The following EXOSC10 variants were observed in gnomAD, a reference collection of about 807,000 sequenced individuals.
The protein encoded by EXOSC10 is exosome component 10.
A neutral mutation model predicts 126.6 loss-of-function variants in EXOSC10; 94 were observed. That is an observed-to-expected ratio of 0.74 (90% CI 0.63 to 0.88). The LOEUF is 0.88. Among genes scored for constraint, EXOSC10 ranks in the 40% least tolerant of loss-of-function variants. The probability of loss-of-function intolerance (pLI) is 0.00; values close to 1 mark genes in which losing one functional copy is unlikely to be tolerated. For missense variants in EXOSC10, 1,041 were observed against 1,100.5 expected (o/e 0.95, Z 0.77); for synonymous variants, 395 against 400.8 (o/e 0.99, Z 0.17).
At chr1:11,070,816 GC>G in intron 21 of EXOSC10, 83 bp downstream of exon 21, 1 of 1,237,532 alleles carries the variant, frequency 8.1e-7, no homozygotes, top group Non-Finnish European at 1.2e-6. Flanking sequence ...CACAGGGCAA[GC>G]CCCCTAAGAT....
chr1:11,072,069 C>CA lies in EXOSC10; in HGVS notation c.2242+17dup. On this transcript the variant is annotated intron_variant, in intron 20 of 24. Transcript: ENST00000376936. ...CATTCTTTAACAGCCGACTGAGTTG[C>CA]AAGGAAGTGAGTGTTACCTGTTTGC... The CA allele has an allele frequency of 6.2e-7, 1 of 1,600,586 alleles. No homozygotes were observed.
At chr1:11,073,500 GC>G (rs1639630602) in intron 19 of EXOSC10, among the ~76,000 whole-genome samples, 1 of 152,116 alleles carries the variant, frequency 6.6e-6, no homozygotes. Flanking sequence ...AAAATAAAGG[GC>G]TTTTGCATTC....
At chr1:11,091,468 T>G (rs1456180654) in intron 4 of EXOSC10, 25 bp downstream of exon 4, 1 of 1,585,874 alleles carries the variant, frequency 6.3e-7, no homozygotes, top group Non-Finnish European at 8.6e-7. Context: ...CATCAAGAGC[T>G]CTAGTTAATC....
At position 11,087,473 on chromosome 1, in the gene EXOSC10, C is replaced by T; in HGVS notation, c.1064G>A (p.Ser355Asn). ...CTTAACGATGGCTGGGTCTGTGAGGCTCTCATTGAGAATGTACATGTCACT... is the reference window on the plus strand; with the variant it reads ...CTTAACGATGGCTGGGTCTGTGAGGTTCTCATTGAGAATGTACATGTCACT... ...LRSDMYILNE[S>N]LTDPAIVKVF... Residue 355 changes from serine (S) to asparagine (N), a missense_variant, in exon 9 of 25, where the codon AGC becomes AAC. Around this residue, in one of 3 missense-constraint regions of EXOSC10, gnomAD observed 645 missense variants for 656.3 expected, o/e 0.98. Transcript: ENST00000376936. 1 of 1,614,062 alleles carries T rather than the reference C, an allele frequency of 6.2e-7. No homozygotes were observed. Among genetic ancestry groups the T allele is most frequent in the Non-Finnish European group, 8.5e-7 (1 of 1,180,008 alleles).
intron 24 of EXOSC10, among the ~76,000 whole-genome samples, chr1:11,067,356 C>T (rs1342743830): frequency 4.6e-5 from 7 of 151,656 alleles, no homozygotes; most frequent in South Asian, 2.1e-4. Context: ...GGCGTGAACC[C>T]GGGAGGCGCA....
In EXOSC10 at chr1:11,099,661, C is replaced by G. The variant is rs1641322568; in HGVS notation, c.111+60G>C. On this transcript the variant is annotated intron_variant, in intron 1 of 24. Coordinates refer to ENST00000376936, the MANE Select transcript of EXOSC10 (RefSeq NM_001001998.3). ...GGCGGGCATTGGCTGCCCAGAGGGCCCAGTCGGCTTCCGGCGGCCGCGGGC... is the reference window on the plus strand; with the variant it reads ...GGCGGGCATTGGCTGCCCAGAGGGCGCAGTCGGCTTCCGGCGGCCGCGGGC... The G allele has an allele frequency of 2.7e-6, 4 of 1,488,150 alleles. No individual in the cohort carries two copies. In the South Asian group the frequency reaches 5.3e-5, roughly 20 times the overall value. The allele number at this position is 1,488,150 out of a possible 1,614,324, so 92.2% of individuals were successfully genotyped here.
intron 21 of EXOSC10, 59 bp from the exon 22 acceptor site, chr1:11,069,789 C>T (rs1639351152): frequency 5.7e-6 from 9 of 1,583,332 alleles, no homozygotes; most frequent in Non-Finnish European, 7.7e-6. Context: ...ACAGGGAACT[C>T]CACCGGCCTC....
At chr1:11,085,803 C>T (rs1464909421) in intron 9 of EXOSC10, among the ~76,000 whole-genome samples, 1 of 151,346 alleles carries the variant, frequency 6.6e-6, no homozygotes, top group Non-Finnish European at 1.5e-5. Context: ...CCATCAATAC[C>T]TAATTTATTG....
chr1:11,082,575 C>T (rs545276263), intron 10 of EXOSC10, 113 bp downstream of exon 10: 2 of 1,526,640 alleles, frequency 1.3e-6, no homozygotes, highest in East Asian at 4.5e-5. Flanking sequence ...AAGCCTGATG[C>T]CATTCATCTC....
In EXOSC10 at chr1:11,082,986, C is replaced by T. The variant is rs947344384; in HGVS notation, c.1090-108G>A. ...AACACTGAAATTAGAAGGTAGTCTCCGCTGTCCCATCTGTAGTGCAGTGGT... is the reference window on the plus strand; with the variant it reads ...AACACTGAAATTAGAAGGTAGTCTCTGCTGTCCCATCTGTAGTGCAGTGGT... On this transcript the variant is annotated intron_variant, in intron 9 of 24. Transcript: ENST00000376936. 26 of 884,674 alleles carry T rather than the reference C, an allele frequency of 2.9e-5. No homozygotes were observed. In the East Asian group the frequency reaches 3.0e-4, roughly 10 times the overall value. The allele number at this position is 884,674 out of a possible 1,614,324, so 54.8% of individuals were successfully genotyped here.
chr1:11,086,218 C>T (rs1640485643), intron 9 of EXOSC10, among the ~76,000 whole-genome samples: 1 of 151,850 alleles, frequency 6.6e-6, no homozygotes, highest in Admixed American at 6.6e-5. Context: ...CCTTGTACCT[C>T]TGGTAGAATT....
At chr1:11,099,529 CGCCCCTCAGTGTCCGTTTCCGAG>C (rs1641311833) in intron 1 of EXOSC10, 169 bp downstream of exon 1, 1 of 538,370 alleles carries the variant, frequency 1.9e-6, no homozygotes, top group Non-Finnish European at 3.1e-6. Flanking sequence ...GCAAGCGGGA[CGCCCCTCAGTGTCCGTTTCCGAG>C]GCCCCATCCC....
At chr1:11,095,085 G>A (rs943303455) in intron 3 of EXOSC10, among the ~76,000 whole-genome samples, 10 of 151,994 alleles carry the variant, frequency 6.6e-5, no homozygotes, top group African/African-American at 2.4e-4. Context: ...AGTGGTGGGT[G>A]CCTGTAATCC....
At chr1:11,080,686 G>T in intron 12 of EXOSC10, 78 bp downstream of exon 12, 1 of 1,599,354 alleles carries the variant, frequency 6.3e-7, no homozygotes, top group Non-Finnish European at 8.5e-7. Flanking sequence ...CATAGCAAAA[G>T]AAAAAAGCCC....
intron 6 of EXOSC10, among the ~76,000 whole-genome samples, chr1:11,088,689 T>C (rs1042269956): frequency 1.4e-4 from 22 of 152,194 alleles, no homozygotes; most frequent in African/African-American, 5.3e-4. Flanking sequence ...CAGGGCTGCC[T>C]TTCATGGCCT....
intron 9 of EXOSC10, 126 bp from the exon 10 acceptor site, chr1:11,083,004 G>A: frequency 1.3e-6 from 1 of 750,074 alleles, no homozygotes. Context: ...CATCTGTAGT[G>A]CAGTGGTGTG....
At chr1:11,087,395 C>T in intron 9 of EXOSC10, 53 bp downstream of exon 9, 1 of 1,604,524 alleles carries the variant, frequency 6.2e-7, no homozygotes, top group South Asian at 1.1e-5. Flanking sequence ...CACTGAAAAG[C>T]ACTAAAAATC....
chr1:11,087,707 A>C, intron 8 of EXOSC10, 93 bp downstream of exon 8: 1 of 1,482,672 alleles, frequency 6.7e-7, no homozygotes, highest in Non-Finnish European at 9.2e-7. Flanking sequence ...TTTTTACCAA[A>C]AAAAATTACA....
Position 11,082,327 on chromosome 1 carries a change from G to GCACACA in EXOSC10, c.1280+355_1280+360dup, listed in dbSNP as rs151047804. ...TTTCCCACCTATGGAAGGTCATCTT[G>GCACACA]CACACACACACACACACACAATCAT... On this transcript the variant is annotated intron_variant, in intron 10 of 24. Transcript: ENST00000376936. Among the ~76,000 whole-genome samples, 9 of 149,504 alleles carry GCACACA rather than the reference G, an allele frequency of 6.0e-5. No individual in the cohort carries two copies. The East Asian group carries it at 1.4e-3, about 23-fold the overall frequency.
Sources: gnomAD v4.1 joint callset for allele counts (sites outside exome capture counted in the v4.1 genomes callset) on GRCh38, gnomAD v4.1.1 for gene constraint, gnomAD v4.1.1 regional missense constraint, MANE v1.5 for transcripts, NCBI Gene and HGNC (gene_info 2026-07-23, HGNC 2026-07-21) for gene names.